Variants in ADAM18 observed in about 807,000 individuals in gnomAD.
ADAM18 encodes the protein disintegrin and metalloproteinase domain-containing protein 18.
A neutral mutation model predicts 94.4 loss-of-function variants in ADAM18; 117 were observed. The ratio of observed to expected loss-of-function variants is 1.24; its 90% CI spans 1.07 to 1.45. The LOEUF is 1.45. ADAM18 is among the 40% of genes most tolerant of loss of function. The probability of loss-of-function intolerance (pLI) is 0.00; values close to 1 mark genes in which losing one functional copy is unlikely to be tolerated. For synonymous variants in ADAM18, 327 were observed against 291.6 expected (o/e 1.12, Z -1.24); for missense variants, 936 against 880.0 (o/e 1.06, Z -0.81).
intron 17 of ADAM18, among the ~76,000 whole-genome samples, chr8:39,695,887 T>C (rs947296697): frequency 7.3e-5 from 11 of 151,446 alleles, no homozygotes; most frequent in African/African-American, 2.7e-4. Context: ...TATACAAGTA[T>C]CTGTTCAGGT....
chr8:39,598,998 A>G (rs1818825469), intron 2 of ADAM18, among the ~76,000 whole-genome samples: 1 of 152,016 alleles, frequency 6.6e-6, no homozygotes, highest in South Asian at 2.1e-4. Context: ...TTTAGTGGAG[A>G]CAGGGTTTCG....
At chr8:39,657,539 C>T (rs932304204) in intron 12 of ADAM18, among the ~76,000 whole-genome samples, 1 of 152,116 alleles carries the variant, frequency 6.6e-6, no homozygotes, top group East Asian at 1.9e-4. Flanking sequence ...TGGTTTTGAA[C>T]TCCTGGCCTC....
Position 39,585,346 on chromosome 8 carries a change from G to C in ADAM18, c.126G>C (p.Glu42Asp), listed in dbSNP as rs763569662. 2.5e-6 allele frequency: 4 copies of C among 1,610,816 alleles called. No homozygotes were observed. Among genetic ancestry groups the C allele is most frequent in the Non-Finnish European group, 2.5e-6 (3 of 1,177,492 alleles). ...AGTCAAATGACAGTGAAGTTTCAGA[G>C]AGGAAGGTAAATGATGAGGAATATT... is the stretch of plus-strand genomic sequence containing the variant. ...KIKSNDSEVS[E>D]RKMIYIITID... Residue 42 changes from glutamate (E) to aspartate (D), a missense_variant, in exon 2 of 20, where the codon GAG (glutamate) becomes GAC (aspartate). Physicochemically the swap from Glu to Asp is conservative, Grantham distance 45. Transcript: ENST00000265707.
In ADAM18 at chr8:39,706,870, G is replaced by T. The variant is rs775014434; in HGVS notation, c.1983G>T (p.Gly661=). 6.2e-6 allele frequency: 10 copies of T among 1,607,028 alleles called. No homozygotes were observed. In the East Asian group the frequency reaches 2.0e-4, roughly 32 times the overall value. Residue 661 remains glycine, a synonymous_variant, in exon 18 of 20, where the codon GGG becomes GGT. Transcript: ENST00000265707. ...GTAAATTCCAGTTTGGTTCCCCAGG[G>T]GGTAGTATTGATGATGGAAATTTTC... ...PDCKFQFGSP[G]GSIDDGNFQK...
chr8:39,610,031 AAAG>A lies in ADAM18; in HGVS notation c.344+471_344+473del, dbSNP rs1369798800. 2.0e-5 allele frequency among the ~76,000 whole-genome samples: 3 copies of A among 152,216 alleles called. No individual in the cohort carries two copies. In the East Asian group the frequency reaches 5.8e-4, roughly 29 times the overall value. On this transcript the variant is annotated intron_variant, in intron 5 of 19. Coordinates refer to ENST00000265707, the MANE Select transcript of ADAM18 (RefSeq NM_014237.3). ...ACTTATGATAAGTTCATCAGGAAAA[AAAG>A]GATCCGGAGCAGAGAAAAAATGCTC...
intron 10 of ADAM18, among the ~76,000 whole-genome samples, chr8:39,644,105 G>A (rs1820313197): frequency 6.6e-6 from 1 of 151,818 alleles, no homozygotes; most frequent in Non-Finnish European, 1.5e-5. Context: ...GCATTACACA[G>A]ATTTTCTAGT....
intron 16 of ADAM18, among the ~76,000 whole-genome samples, chr8:39,682,441 C>T (rs959659368): frequency 6.6e-6 from 1 of 152,104 alleles, no homozygotes; most frequent in Non-Finnish European, 1.5e-5. Flanking sequence ...GAGATAATTG[C>T]TCAAAGTCAA....
intron 17 of ADAM18, among the ~76,000 whole-genome samples, chr8:39,693,594 AT>A (rs1023482314): frequency 4.6e-5 from 7 of 151,192 alleles, no homozygotes; most frequent in African/African-American, 1.7e-4. Context: ...TACATTATCA[AT>A]TTTTGCTACC....
chr8:39,592,645 C>G (rs1471294712), intron 2 of ADAM18, among the ~76,000 whole-genome samples: 1 of 152,022 alleles, frequency 6.6e-6, no homozygotes, highest in Admixed American at 6.6e-5. Context: ...ATAAATGGTA[C>G]AGTTGGACAT....
rs1475989235 is a variant in ADAM18, at chr8:39,620,380, A to AC, written c.523-8994_523-8993insC. On this transcript the variant is annotated intron_variant, in intron 6 of 19. Coordinates refer to ENST00000265707, the MANE Select transcript of ADAM18 (RefSeq NM_014237.3). ...AGCAAAAAAAAAAAAAAAAACAAAA[A>AC]AAAATCACAAAACAAAACAAAGAAA... Among the ~76,000 whole-genome samples, 111 of 148,428 alleles carry AC rather than the reference A, an allele frequency of 7.5e-4. 2 individuals carry two copies. In the East Asian group the frequency reaches 0.021, roughly 28 times the overall value.
At chr8:39,668,547 T>C (rs568131837) in intron 14 of ADAM18, among the ~76,000 whole-genome samples, 19 of 152,282 alleles carry the variant, frequency 1.2e-4, no homozygotes, top group African/African-American at 4.3e-4. Context: ...GCATGAAACT[T>C]ACAAGGCTCA....
At chr8:39,723,582 A>G (rs1170099724) in intron 18 of ADAM18, among the ~76,000 whole-genome samples, 166 bp from the exon 19 acceptor site, 2 of 151,744 alleles carry the variant, frequency 1.3e-5, no homozygotes, top group Admixed American at 6.6e-5. Flanking sequence ...CAGAAAATCT[A>G]TGAAAAATAT....
chr8:39,698,002 A>T (rs567309862), intron 17 of ADAM18, among the ~76,000 whole-genome samples: 26 of 151,874 alleles, frequency 1.7e-4, no homozygotes, highest in African/African-American at 6.0e-4. Context: ...ACATTTTTAA[A>T]TCATTACTTA....
chr8:39,665,170 T>C, intron 13 of ADAM18, among the ~76,000 whole-genome samples: 1 of 152,194 alleles, frequency 6.6e-6, no homozygotes. Context: ...TGCAAAATTA[T>C]CACATAAATT....
chr8:39,672,081 T>C (rs62511904), intron 14 of ADAM18, among the ~76,000 whole-genome samples: 94,774 of 151,968 alleles, frequency 0.62, 31,904 homozygotes, highest in Non-Finnish European at 0.76. Context: ...AAAAAAAGAT[T>C]ACTCGCCCTA....
At chr8:39,621,904 C>T (rs1197634204) in intron 6 of ADAM18, among the ~76,000 whole-genome samples, 2 of 152,094 alleles carry the variant, frequency 1.3e-5, no homozygotes, top group African/African-American at 4.8e-5. Flanking sequence ...GGGGAAACAA[C>T]ACACACTGGG....
chr8:39,592,622 A>G (rs1246514924), intron 2 of ADAM18, among the ~76,000 whole-genome samples: 1 of 152,202 alleles, frequency 6.6e-6, no homozygotes, highest in Non-Finnish European at 1.5e-5. Context: ...TCTCATTTAT[A>G]AGTGGGAGCT....
chr8:39,690,525 A>T (rs1033673127), intron 16 of ADAM18, among the ~76,000 whole-genome samples: 2 of 152,058 alleles, frequency 1.3e-5, no homozygotes, highest in African/African-American at 2.4e-5. Flanking sequence ...TTCTTTTTAT[A>T]CTGTGAAAAA....
At chr8:39,645,240 A>G in intron 10 of ADAM18, 98 bp from the exon 11 acceptor site, 2 of 1,006,724 alleles carry the variant, frequency 2.0e-6, no homozygotes, top group Admixed American at 5.5e-5. Flanking sequence ...TAACATAAGA[A>G]GTATTAAAAT....
Sources: allele counts gnomAD v4.1 joint callset (sites outside exome capture counted in the v4.1 genomes callset), GRCh38; gene constraint gnomAD v4.1.1; transcripts MANE v1.5; gene names NCBI Gene and HGNC (gene_info 2026-07-23, HGNC 2026-07-21).